Variants in SOX6 observed in about 807,000 individuals in gnomAD.
SOX6 encodes transcription factor SOX-6.
In SOX6, 11 loss-of-function variants were observed where a neutral mutation model predicts 97.8. The observed-to-expected ratio is 0.11, with a 90% CI of 0.07 to 0.19. SOX6 has a LOEUF of 0.19. SOX6 is among the 10% of genes least tolerant of loss of function. SOX6 has a pLI of 1.00. For synonymous variants in SOX6, 360 were observed against 371.4 expected, an observed-to-expected ratio of 0.97 and a Z score of 0.35; for missense variants, 810 against 1,039.5, an observed-to-expected ratio of 0.78 and a Z score of 3.04.
At chr11:16,675,405 C>T (rs1184645734) in intron 3 of SOX6, among the ~76,000 whole-genome samples, 1 of 152,182 alleles carries the variant, frequency 6.6e-6, no homozygotes. Context: ...CCCATCTCAG[C>T]CTCCTGAGTA....
chr11:16,303,219 ATTAT>A (rs890488144), intron 3 of SOX6, among the ~76,000 whole-genome samples: 1 of 152,148 alleles, frequency 6.6e-6, no homozygotes, highest in African/African-American at 2.4e-5. Context: ...TAATCATAAT[ATTAT>A]TTATCTCTCT....
intron 4 of SOX6, among the ~76,000 whole-genome samples, chr11:16,555,358 A>G (rs1847738716): frequency 6.6e-6 from 1 of 151,706 alleles, no homozygotes; most frequent in Non-Finnish European, 1.5e-5. Flanking sequence ...TCTTAAAATT[A>G]TTTTTGCTCA....
chr11:16,404,018 T>C (rs1475374942), intron 1 of SOX6, among the ~76,000 whole-genome samples: 1 of 151,798 alleles, frequency 6.6e-6, no homozygotes, highest in African/African-American at 2.4e-5. Flanking sequence ...GTAGGATTCT[T>C]AGCTGTAGAA....
intron 3 of SOX6, among the ~76,000 whole-genome samples, chr11:16,238,932 T>A (rs761092255): frequency 2.2e-4 from 34 of 152,276 alleles, no homozygotes; most frequent in Non-Finnish European, 4.0e-4. Context: ...ATAGGAATCA[T>A]AAATTTCAAA....
At chr11:16,186,749 T>A in intron 5 of SOX6, 34 bp downstream of exon 5, 3 of 1,610,990 alleles carry the variant, frequency 1.9e-6, no homozygotes, top group Non-Finnish European at 2.5e-6. Context: ...ACATTCCACA[T>A]CTCCAGTTCG....
At chr11:16,249,298 A>G (rs1039574006) in intron 3 of SOX6, among the ~76,000 whole-genome samples, 1 of 152,142 alleles carries the variant, frequency 6.6e-6, no homozygotes, top group African/African-American at 2.4e-5. Flanking sequence ...ATCTTAAAGC[A>G]TCATTCTCAA....
In SOX6 at chr11:15,966,882, C is replaced by T. The variant is rs1645153848; in HGVS notation, c.*5927G>A. ...TTTGTGTATGCAACAAAGCTAAGAA[C>T]AATGATTCATTCCTGTAAATTTGAA... On this transcript the variant is annotated 3_prime_UTR_variant, in exon 16 of 16. Transcript: ENST00000683767. The T allele has an allele frequency of 1.3e-5, 2 of 152,156 alleles. No individual in the cohort carries two copies. The highest frequency in any genetic ancestry group is 4.8e-5 in the African/African-American group (2 of 41,436). The allele number at this position is 152,156 out of a possible 1,614,324, so 9.4% of individuals were successfully genotyped here.
intron 2 of SOX6, chr11:16,736,263 A>C (rs1039874670): frequency 6.6e-6 from 1 of 152,246 alleles, no homozygotes; most frequent in African/African-American, 2.4e-5. Flanking sequence ...TTGTTTTTAC[A>C]ATACAAGAAA....
At chr11:16,147,948 C>A (rs915657168) in intron 6 of SOX6, among the ~76,000 whole-genome samples, 6 of 152,158 alleles carry the variant, frequency 3.9e-5, no homozygotes, top group African/African-American at 1.4e-4. Context: ...CTTTCACACA[C>A]CTTTCAAAGG....
intron 3 of SOX6, among the ~76,000 whole-genome samples, chr11:16,658,447 G>A (rs985184226): frequency 2.0e-5 from 3 of 152,064 alleles, no homozygotes; most frequent in Non-Finnish European, 2.9e-5. Context: ...GGTGGCTCAC[G>A]CCTGTAATCC....
At chr11:16,580,273 T>C (rs925798776) in intron 4 of SOX6, among the ~76,000 whole-genome samples, 4 of 152,146 alleles carry the variant, frequency 2.6e-5, no homozygotes, top group Non-Finnish European at 5.9e-5. Context: ...ATGGTTAAAA[T>C]GTCCTTTAAA....
At chr11:16,713,677 C>T (rs1392974238) in intron 3 of SOX6, among the ~76,000 whole-genome samples, 1 of 152,096 alleles carries the variant, frequency 6.6e-6, no homozygotes, top group Non-Finnish European at 1.5e-5. Flanking sequence ...AACAGCCAAA[C>T]CCAGGAATCC....
At chr11:16,335,258 T>C (rs544512335) in intron 2 of SOX6, among the ~76,000 whole-genome samples, 1 of 152,272 alleles carries the variant, frequency 6.6e-6, no homozygotes, top group African/African-American at 2.4e-5. Context: ...TTTCACCTGT[T>C]AACAGAAATC....
intron 12 of SOX6, among the ~76,000 whole-genome samples, chr11:16,025,790 T>C (rs1446309357): frequency 6.6e-6 from 1 of 152,194 alleles, no homozygotes; most frequent in Non-Finnish European, 1.5e-5. Flanking sequence ...TGCTACCATG[T>C]ATTTGTTTTA....
intron 3 of SOX6, among the ~76,000 whole-genome samples, chr11:16,302,263 C>A (rs147204646): frequency 6.6e-6 from 1 of 152,202 alleles, no homozygotes; most frequent in Non-Finnish European, 1.5e-5. Context: ...AAGTTCTCAA[C>A]TGCTCCCCAC....
chr11:16,196,007 C>T (rs1851764318), intron 4 of SOX6, among the ~76,000 whole-genome samples: 1 of 152,184 alleles, frequency 6.6e-6, no homozygotes, highest in Non-Finnish European at 1.5e-5. Context: ...CCCATACAAA[C>T]ATACCACATA....
intron 4 of SOX6, among the ~76,000 whole-genome samples, chr11:16,586,598 C>T (rs967271157): frequency 2.6e-5 from 4 of 152,100 alleles, no homozygotes; most frequent in African/African-American, 7.2e-5. Context: ...TGTTCACCTA[C>T]AGTCCCAGCC....
intron 12 of SOX6, among the ~76,000 whole-genome samples, chr11:16,032,038 A>G (rs1444725436): frequency 6.6e-6 from 1 of 152,152 alleles, no homozygotes; most frequent in East Asian, 1.9e-4. Context: ...TGCCAGACAC[A>G]TTCAAAAGGG....
At chr11:16,121,079 G>T (rs971244332) in intron 6 of SOX6, among the ~76,000 whole-genome samples, 3 of 151,952 alleles carry the variant, frequency 2.0e-5, no homozygotes, top group Admixed American at 2.0e-4. Flanking sequence ...CATACTCTCA[G>T]CATACTGTAT....
Sources: allele counts gnomAD v4.1 joint callset (sites outside exome capture counted in the v4.1 genomes callset), GRCh38; gene constraint gnomAD v4.1.1; transcripts MANE v1.5; gene names NCBI Gene and HGNC (gene_info 2026-07-23, HGNC 2026-07-21).